Variants in DOCK7 observed in about 807,000 individuals in gnomAD.
The protein encoded by DOCK7 is dedicator of cytokinesis 7, also known as dedicator of cytokinesis protein 7.
DOCK7 carries 138 observed loss-of-function variants against 271.0 expected under a neutral mutation model. The ratio of observed to expected loss-of-function variants is 0.51; its 90% CI spans 0.44 to 0.59. DOCK7 has a LOEUF of 0.59. DOCK7 is among the 20% of genes least tolerant of loss of function. The pLI is 0.00. For missense variants in DOCK7, 2,066 were observed against 2,592.4 expected (o/e 0.80, Z 4.41); for synonymous variants, 823 against 876.1 (o/e 0.94, Z 1.07).
chr1:62,492,606 A>C, intron 41 of DOCK7, 98 bp downstream of exon 41: 1 of 1,486,584 alleles, frequency 6.7e-7, no homozygotes. Context: ...ATTATCTTTA[A>C]AGAAAAGTAG....
rs189205096 is a variant in DOCK7, at chr1:62,661,686, T to G, written c.144+1339A>C. Among the ~76,000 whole-genome samples the G allele has an allele frequency of 1.3e-3, 191 of 151,988 alleles. 1 individual carries two copies. The highest frequency in any genetic ancestry group is 3.9e-3 in the African/African-American group (160 of 41,450). ...TGGGTTCATGGATTCTAGGTCCTAG[T>G]GATGTGGAAGGACAATTGGAGTCAG... On this transcript the variant is annotated intron_variant, in intron 2 of 49. Transcript: ENST00000635253.
At chr1:62,544,823 CA>C in intron 23 of DOCK7, 123 bp downstream of exon 23, 1 of 707,846 alleles carries the variant, frequency 1.4e-6, no homozygotes, top group Non-Finnish European at 2.3e-6. Flanking sequence ...GCTAAGTAAA[CA>C]AAAATACACA....
chr1:62,625,426 T>C, intron 11 of DOCK7, 25 bp from the exon 12 acceptor site: 1 of 1,567,378 alleles, frequency 6.4e-7, no homozygotes, highest in Non-Finnish European at 8.6e-7. Context: ...AAAAAAAAAT[T>C]CATTTTCATA....
At chr1:62,670,838 T>C (rs531785138) in intron 1 of DOCK7, among the ~76,000 whole-genome samples, 3 of 152,244 alleles carry the variant, frequency 2.0e-5, no homozygotes, top group Non-Finnish European at 2.9e-5. Context: ...CGAGCCAGCA[T>C]TGGCAACCTG....
At chr1:62,660,924 C>A (rs1418875619) in intron 2 of DOCK7, among the ~76,000 whole-genome samples, 2 of 152,000 alleles carry the variant, frequency 1.3e-5, no homozygotes, top group Non-Finnish European at 1.5e-5. Flanking sequence ...CATAGTGAGA[C>A]CCTGTCTCTA....
chr1:62,631,310 A>C lies in DOCK7; in HGVS notation c.1212T>G (p.His404Gln), dbSNP rs1375664302. 6.2e-7 allele frequency: 1 copy of C among 1,613,572 alleles called. No individual in the cohort carries two copies. The highest frequency in any genetic ancestry group is 8.5e-7 in the Non-Finnish European group (1 of 1,179,876). Residue 404 changes from histidine (H) to glutamine (Q), a missense_variant, in exon 11 of 50, where the codon CAT becomes CAG. Physicochemically the swap from His to Gln is conservative, Grantham distance 24. Coordinates refer to ENST00000635253, the MANE Select transcript of DOCK7 (RefSeq NM_001367561.1). The stretch of plus-strand genomic sequence containing the variant: ...CAGCACTGCTAACAATATTCATTAA[A>C]TGGATTGCAGTCCAAGCAAAAGGCA... ...YRMPFAWTAI[H>Q]LMNIVSSAGS... is the part of the protein sequence containing the mutation.
At chr1:62,630,572 T>G (rs1329201521) in intron 11 of DOCK7, among the ~76,000 whole-genome samples, 1 of 152,030 alleles carries the variant, frequency 6.6e-6, no homozygotes, top group Non-Finnish European at 1.5e-5. Flanking sequence ...ATTAACCTCA[T>G]GCACACAGCT....
intron 1 of DOCK7, among the ~76,000 whole-genome samples, chr1:62,673,772 T>A (rs1394670599): frequency 6.6e-6 from 1 of 152,198 alleles, no homozygotes; most frequent in Non-Finnish European, 1.5e-5. Context: ...TTTCCTTTTT[T>A]ACAACATCTA....
intron 7 of DOCK7, among the ~76,000 whole-genome samples, chr1:62,642,348 T>C (rs10789121): frequency 0.63 from 95,065 of 151,828 alleles, 30,279 homozygotes; most frequent in African/African-American, 0.74. Context: ...AGGTGATCTG[T>C]CCGCCTCGGC....
At chr1:62,576,421 G>T (rs942844609) in intron 18 of DOCK7, among the ~76,000 whole-genome samples, 1 of 152,192 alleles carries the variant, frequency 6.6e-6, no homozygotes, top group Non-Finnish European at 1.5e-5. Flanking sequence ...CTTTTCGTGT[G>T]TAAGGAACAG....
chr1:62,560,284 T>C (rs1646280404), intron 19 of DOCK7, among the ~76,000 whole-genome samples: 1 of 152,204 alleles, frequency 6.6e-6, no homozygotes, highest in Non-Finnish European at 1.5e-5. Context: ...CTGAATTTCA[T>C]TTTAAATACT....
chr1:62,537,803 AT>A (rs1645395091), intron 28 of DOCK7, 87 bp downstream of exon 28: 10 of 1,202,146 alleles, frequency 8.3e-6, no homozygotes, highest in Non-Finnish European at 1.2e-5. Context: ...TACAGCTGTT[AT>A]TCAATAAGTG....
intron 37 of DOCK7, among the ~76,000 whole-genome samples, chr1:62,498,496 G>A (rs1252460026): frequency 1.3e-5 from 2 of 151,868 alleles, no homozygotes; most frequent in African/African-American, 4.8e-5. Context: ...TACTTATTTA[G>A]CACTTGCTTA....
At position 62,618,727 on chromosome 1, in the gene DOCK7, T is replaced by C; in HGVS notation, c.1661A>G (p.Tyr554Cys). 6.2e-7 allele frequency: 1 copy of C among 1,613,502 alleles called. No homozygotes were observed. ...EILEFPARDV[Y>C]VPNTTYRNLL... ...TTACCTGTAAGTAGTGTTTGGAACA[T>C]AAACATCCCTTGCGGGAAACTCTAA... is the stretch of plus-strand genomic sequence containing the variant. The change falls in exon 14 of 50, where the codon TAT (tyrosine) becomes TGT (cysteine). Residue 554 changes from tyrosine (Y) to cysteine (C), a missense_variant. By Grantham distance (194) the Tyr-to-Cys change is radical. Transcript: ENST00000635253.
intron 1 of DOCK7, among the ~76,000 whole-genome samples, chr1:62,675,458 G>C (rs981740910): frequency 6.6e-6 from 1 of 152,154 alleles, no homozygotes; most frequent in Non-Finnish European, 1.5e-5. Context: ...CACCAGGGCA[G>C]ATACGTGAGT....
chr1:62,533,788 C>T (rs539493107), intron 29 of DOCK7, among the ~76,000 whole-genome samples: 2 of 152,236 alleles, frequency 1.3e-5, no homozygotes, highest in Admixed American at 1.3e-4. Context: ...TGACATACCT[C>T]CTCTTTTATT....
Position 62,455,138 on chromosome 1 carries a change from T to G in DOCK7, c.*276A>C. 2 of 538,692 alleles carry G rather than the reference T, an allele frequency of 3.7e-6. No homozygotes were observed. Among genetic ancestry groups the G allele is most frequent in the Non-Finnish European group, 6.5e-6 (2 of 307,242 alleles). The allele number at this position is 538,692 out of a possible 1,614,324, so 33.4% of individuals were successfully genotyped here. A position where few individuals can be genotyped will look rare whatever the true frequency, so the allele number is the denominator to read the frequency against. On this transcript the variant is annotated 3_prime_UTR_variant, in exon 50 of 50. Coordinates refer to ENST00000635253, the MANE Select transcript of DOCK7 (RefSeq NM_001367561.1). ...ATACGAACTTAAAGTGAATAAATTT[T>G]TAACCTTAGCTATGGTATAAATAAT...
Position 62,618,826 on chromosome 1 carries a change from T to C in DOCK7, c.1562A>G (p.His521Arg), listed in dbSNP as rs1490169174. ...IDISPAPENP[H>R]YCLTPELLQV... is the part of the protein sequence containing the mutation. ...AAGCAGCTCCGGAGTTAGGCAATAATGGGGATTTTCAGGTGCGGGAGAAAT... is the reference window on the plus strand; with the variant it reads ...AAGCAGCTCCGGAGTTAGGCAATAACGGGGATTTTCAGGTGCGGGAGAAAT... The change falls in exon 14 of 50, where the codon CAT becomes CGT. Residue 521 changes from histidine (H) to arginine (R), a missense_variant. Around this residue, in one of 2 missense-constraint regions of DOCK7, gnomAD observed 1,414 missense variants for 1,670.4 expected, o/e 0.85. Transcript: ENST00000635253. 6.2e-7 allele frequency: 1 copy of C among 1,613,772 alleles called. No homozygotes were observed. The highest frequency in any genetic ancestry group is 8.5e-7 in the Non-Finnish European group (1 of 1,179,780).
intron 14 of DOCK7, chr1:62,604,762 C>CTTT (rs770867880): frequency 8.7e-6 from 14 of 1,612,872 alleles, no homozygotes; most frequent in Middle Eastern, 1.6e-4. Flanking sequence ...AGGTTATACT[C>CTTT]TATAAAATCA....
Sources: gnomAD v4.1 joint callset for allele counts (sites outside exome capture counted in the v4.1 genomes callset) on GRCh38, gnomAD v4.1.1 for gene constraint, gnomAD v4.1.1 regional missense constraint, MANE v1.5 for transcripts, NCBI Gene and HGNC (gene_info 2026-07-23, HGNC 2026-07-21) for gene names.